The following NCKAP5 variants were observed in gnomAD, a reference collection of about 807,000 sequenced individuals.
NCKAP5 encodes NCK associated protein 5, also known as nck-associated protein 5.
A neutral mutation model predicts 167.0 loss-of-function variants in NCKAP5; 92 were observed. The ratio of observed to expected loss-of-function variants is 0.55; its 90% CI spans 0.47 to 0.66. The LOEUF is 0.66. Among genes scored for constraint, NCKAP5 ranks in the 30% least tolerant of loss-of-function variants. The pLI is 0.00. For missense variants in NCKAP5, 2,378 were observed against 2,315.0 expected (o/e 1.03, Z -0.56); for synonymous variants, 891 against 877.4 (o/e 1.02, Z -0.27).
chr2:133,358,438 G>T (rs1159773549), intron 3 of NCKAP5, among the ~76,000 whole-genome samples: 2 of 152,092 alleles, frequency 1.3e-5, no homozygotes, highest in African/African-American at 4.8e-5. Flanking sequence ...CAAAAAGCCA[G>T]GGTATGGTGG....
Position 132,725,638 on chromosome 2 carries a change from C to T in NCKAP5, c.5702G>A (p.Ser1901Asn). The T allele has an allele frequency of 6.2e-7, 1 of 1,610,206 alleles. No individual in the cohort carries two copies. The highest frequency in any genetic ancestry group is 8.5e-7 in the Non-Finnish European group (1 of 1,178,500). The change falls in exon 19 of 20, where the codon AGC becomes AAC. Residue 1901 changes from serine to asparagine, a missense_variant. Ser to Asn is a conservative substitution (Grantham distance 46, BLOSUM62 1). Coordinates refer to ENST00000409261, the MANE Select transcript of NCKAP5 (RefSeq NM_207363.3). ...GRGQLVKALKSAAPEIETT is the reference protein window; with the variant it reads ...GRGQLVKALKNAAPEIETT Reference sequence around the variant, plus strand: ...TCGCTGGTTGTTACCTGGGGCAGCGCTCTTCAGTGCTTTCACTAACTGTCC... The same window carrying T: ...TCGCTGGTTGTTACCTGGGGCAGCGTTCTTCAGTGCTTTCACTAACTGTCC...
intron 3 of NCKAP5, among the ~76,000 whole-genome samples, chr2:133,349,603 G>GT (rs1262420308): frequency 6.6e-6 from 1 of 152,180 alleles, no homozygotes; most frequent in Non-Finnish European, 1.5e-5. Flanking sequence ...TGTCATGCTT[G>GT]TTTTTTGTTT....
intron 3 of NCKAP5, among the ~76,000 whole-genome samples, chr2:133,466,424 A>G (rs1692595790): frequency 4.0e-5 from 6 of 148,890 alleles, no homozygotes; most frequent in Admixed American, 3.4e-4. Flanking sequence ...CTTGTAGTAT[A>G]GTTTGAAGTC....
At chr2:133,485,414 T>C (rs1049590030) in intron 3 of NCKAP5, among the ~76,000 whole-genome samples, 2 of 152,148 alleles carry the variant, frequency 1.3e-5, no homozygotes, top group Non-Finnish European at 2.9e-5. Flanking sequence ...TTATTAGATT[T>C]TGGCAGCTTC....
chr2:133,597,696 A>AAAG, the NCKAP5 span, among the ~76,000 whole-genome samples: 1 of 149,250 alleles, frequency 6.7e-6, no homozygotes, highest in African/African-American at 2.5e-5. Context: ...AAAAAAAAAA[A>AAAG]AAGAAGAGAA....
In NCKAP5 at chr2:132,687,535, C is replaced by T. The variant is rs374542288; in HGVS notation, c.5714-14230G>A. ...GTTCTCTAAAGTGACTGGAGAAATA[C>T]TTTTCCTTAAATCAGTGGTAAAGAA... On this transcript the variant is annotated intron_variant, in intron 19 of 19. Transcript: ENST00000409261. 6.6e-5 allele frequency among the ~76,000 whole-genome samples: 10 copies of T among 152,250 alleles called. No homozygotes were observed. The South Asian group carries it at 2.1e-3, about 32-fold the overall frequency.
At chr2:133,275,448 A>G (rs1037385050) in intron 4 of NCKAP5, among the ~76,000 whole-genome samples, 2 of 152,110 alleles carry the variant, frequency 1.3e-5, no homozygotes, top group African/African-American at 4.8e-5. Context: ...ATTATATTAA[A>G]TCTCAAACTT....
the NCKAP5 span, among the ~76,000 whole-genome samples, chr2:133,641,868 A>C: frequency 6.6e-6 from 1 of 152,340 alleles, no homozygotes; most frequent in East Asian, 1.9e-4. Flanking sequence ...TTATCCTATT[A>C]TAGCAAAGTG....
chr2:133,565,592 G>A (rs1688488913), intron 1 of NCKAP5, among the ~76,000 whole-genome samples: 1 of 152,172 alleles, frequency 6.6e-6, no homozygotes, highest in Admixed American at 6.5e-5. Flanking sequence ...GCTGCATAGT[G>A]AAGACCCTGA....
chr2:133,464,846 T>G (rs1342031454), intron 3 of NCKAP5, among the ~76,000 whole-genome samples: 1 of 151,682 alleles, frequency 6.6e-6, no homozygotes, highest in Non-Finnish European at 1.5e-5. Flanking sequence ...AGAAGAGAAC[T>G]TGCAAGTCAG....
At chr2:133,278,622 A>AT (rs372222505) in intron 4 of NCKAP5, among the ~76,000 whole-genome samples, 1 of 152,104 alleles carries the variant, frequency 6.6e-6, no homozygotes, top group Non-Finnish European at 1.5e-5. Context: ...TCTGATATGT[A>AT]TTTTTTTGTG....
In NCKAP5 at chr2:132,785,483, C is replaced by T; in HGVS notation, c.1328G>A (p.Ser443Asn). The T allele has an allele frequency of 6.2e-7, 1 of 1,613,318 alleles. No homozygotes were observed. Among genetic ancestry groups the T allele is most frequent in the African/African-American group, 1.3e-5 (1 of 75,008 alleles). Reference sequence around the variant, plus strand: ...GGGGGGATACTCCTTGAGGCTGCTACTTTTAATTCCAGGAGAATATATTCC... The same window carrying T: ...GGGGGGATACTCCTTGAGGCTGCTATTTTTAATTCCAGGAGAATATATTCC... Reference protein sequence around the residue: ...NEGIYSPGIKSSSLKEYPPCK... With the variant: ...NEGIYSPGIKNSSLKEYPPCK... Residue 443 changes from serine (S) to asparagine (N), a missense_variant, in exon 14 of 20, where the codon AGT becomes AAT. Physicochemically the swap from Ser to Asn is conservative, Grantham distance 46. Around this residue, in one of 3 missense-constraint regions of NCKAP5, gnomAD observed 1,049 missense variants for 1,023.4 expected, o/e 1.02. Transcript: ENST00000409261.
chr2:133,148,725 G>A (rs1377854158), intron 5 of NCKAP5, among the ~76,000 whole-genome samples: 2 of 152,100 alleles, frequency 1.3e-5, no homozygotes, highest in Non-Finnish European at 2.9e-5. Flanking sequence ...CCATGTGGTA[G>A]AGAAAGGGCA....
At chr2:133,149,673 T>C (rs1304348808) in intron 5 of NCKAP5, among the ~76,000 whole-genome samples, 1 of 152,204 alleles carries the variant, frequency 6.6e-6, no homozygotes, top group Non-Finnish European at 1.5e-5. Context: ...CACACTGCTC[T>C]CACTAATTAT....
At chr2:133,618,224 C>T in the NCKAP5 span, among the ~76,000 whole-genome samples, 2 of 151,792 alleles carry the variant, frequency 1.3e-5, no homozygotes, top group Admixed American at 6.6e-5. Context: ...TAGGCATTAC[C>T]ATTCAGGACA....
chr2:133,569,707 C>A (rs150909918), upstream of NCKAP5, among the ~76,000 whole-genome samples: 6 of 152,282 alleles, frequency 3.9e-5, no homozygotes, highest in Non-Finnish European at 7.3e-5. Flanking sequence ...CTACCCCCAG[C>A]AGATGCTCAT....
intron 3 of NCKAP5, among the ~76,000 whole-genome samples, chr2:133,458,243 G>A (rs1691979540): frequency 6.6e-6 from 1 of 152,262 alleles, no homozygotes; most frequent in East Asian, 1.9e-4. Flanking sequence ...GCTGTTGGAG[G>A]AGAGAATAAG....
intron 6 of NCKAP5, among the ~76,000 whole-genome samples, chr2:133,063,340 G>A (rs1024269023): frequency 1.3e-5 from 2 of 152,174 alleles, no homozygotes; most frequent in African/African-American, 2.4e-5. Flanking sequence ...AGCTGGCATT[G>A]ACAGGGCACT....
chr2:132,864,633 T>C (rs746330059), intron 10 of NCKAP5, among the ~76,000 whole-genome samples: 3 of 152,222 alleles, frequency 2.0e-5, no homozygotes, highest in Admixed American at 2.0e-4. Context: ...ACAGTTACTT[T>C]ATGTATTGAA....
Sources: gnomAD v4.1 joint callset for allele counts (sites outside exome capture counted in the v4.1 genomes callset) on GRCh38, gnomAD v4.1.1 for gene constraint, gnomAD v4.1.1 regional missense constraint, MANE v1.5 for transcripts, NCBI Gene and HGNC (gene_info 2026-07-23, HGNC 2026-07-21) for gene names.